Variants in IQCJ observed in about 807,000 individuals in gnomAD.
IQCJ encodes the protein IQ domain-containing protein J.
In IQCJ, 9 loss-of-function variants were observed where a neutral mutation model predicts 11.0. The ratio of observed to expected loss-of-function variants is 0.82; its 90% CI spans 0.49 to 1.43. The LOEUF is 1.43. IQCJ is among the 40% of genes most tolerant of loss of function. IQCJ has a pLI of 0.00. For missense variants in IQCJ, 146 were observed against 133.2 expected, an observed-to-expected ratio of 1.10 and a Z score of -0.47; for synonymous variants, 55 against 51.3, an observed-to-expected ratio of 1.07 and a Z score of -0.31.
intron 2 of IQCJ, among the ~76,000 whole-genome samples, chr3:159,252,142 A>C (rs896374698): frequency 1.3e-5 from 2 of 152,034 alleles, no homozygotes; most frequent in Admixed American, 1.3e-4. Context: ...GTCCTTCAAA[A>C]CTCATCCCAA....
At chr3:159,242,891 T>C (rs971413034) in intron 1 of IQCJ, among the ~76,000 whole-genome samples, 3 of 152,120 alleles carry the variant, frequency 2.0e-5, no homozygotes, top group African/African-American at 7.2e-5. Context: ...GGAAGAAATA[T>C]TAGCAACACA....
chr3:159,154,319 A>C (rs994994271), intron 1 of IQCJ, among the ~76,000 whole-genome samples: 3 of 152,204 alleles, frequency 2.0e-5, no homozygotes, highest in African/African-American at 7.2e-5. Flanking sequence ...ATGAAGGCCC[A>C]ATCCATGGAC....
intron 1 of IQCJ, among the ~76,000 whole-genome samples, chr3:159,239,512 A>C (rs1577105827): frequency 6.6e-6 from 1 of 152,370 alleles, no homozygotes; most frequent in South Asian, 2.1e-4. Flanking sequence ...TGGAGAAGAA[A>C]GTGCCAGGAC....
At chr3:159,251,068 A>C (rs1727569990) in intron 2 of IQCJ, among the ~76,000 whole-genome samples, 1 of 152,156 alleles carries the variant, frequency 6.6e-6, no homozygotes, top group African/African-American at 2.4e-5. Context: ...CCAATGGCAC[A>C]GAGTAAACAA....
At chr3:159,177,838 C>T (rs1722875110) in intron 1 of IQCJ, among the ~76,000 whole-genome samples, 1 of 152,190 alleles carries the variant, frequency 6.6e-6, no homozygotes, top group Admixed American at 6.5e-5. Context: ...AAAATAAATA[C>T]AGTACCAATT....
At chr3:159,133,641 A>G (rs928361476) in intron 1 of IQCJ, among the ~76,000 whole-genome samples, 15 of 152,302 alleles carry the variant, frequency 9.8e-5, no homozygotes, top group Middle Eastern at 3.4e-3. Context: ...AGAGGATGAC[A>G]GGAGAAGTGG....
At position 159,201,341 on chromosome 3, in the gene IQCJ, A is replaced by G. The variant is rs554873214; in HGVS notation, c.10-44502A>G. ...TGAAAAGTGAAGATTTGGGTTTTATATGGTAGTGTGATTTAGAAAATGCCA... is the reference window on the plus strand; with the variant it reads ...TGAAAAGTGAAGATTTGGGTTTTATGTGGTAGTGTGATTTAGAAAATGCCA... On this transcript the variant is annotated intron_variant, in intron 1 of 3. Coordinates refer to ENST00000397832, the MANE Select transcript of IQCJ (RefSeq NM_001042706.3). 9.8e-5 allele frequency among the ~76,000 whole-genome samples: 15 copies of G among 152,336 alleles called. No individual in the cohort carries two copies. The East Asian group carries it at 2.7e-3, about 27-fold the overall frequency.
rs76251319 is a variant in IQCJ, at chr3:159,126,296, C to G, written c.9+56855C>G. Among the ~76,000 whole-genome samples the G allele has an allele frequency of 5.3e-3, 809 of 152,244 alleles. 3 individuals are homozygous for G. Among genetic ancestry groups the G allele is most frequent in the African/African-American group, 0.019 (777 of 41,548 alleles). On this transcript the variant is annotated intron_variant, in intron 1 of 3. Coordinates refer to ENST00000397832, the MANE Select transcript of IQCJ (RefSeq NM_001042706.3). Reference sequence around the variant, plus strand: ...CATCTAAAAAGCAGGGATAGAAATTCTTACCTCTTAGGGCTGTGAAGAACA... The same window carrying G: ...CATCTAAAAAGCAGGGATAGAAATTGTTACCTCTTAGGGCTGTGAAGAACA...
At chr3:159,211,888 G>A (rs1724976047) in intron 1 of IQCJ, among the ~76,000 whole-genome samples, 2 of 152,052 alleles carry the variant, frequency 1.3e-5, no homozygotes, top group African/African-American at 4.8e-5. Flanking sequence ...CAAGGAGAAT[G>A]GAAAGGGAGG....
At chr3:159,225,147 T>C (rs949360765) in intron 1 of IQCJ, among the ~76,000 whole-genome samples, 1 of 152,200 alleles carries the variant, frequency 6.6e-6, no homozygotes. Context: ...ACAACCTAAA[T>C]GTTCTTCAAT....
intron 1 of IQCJ, among the ~76,000 whole-genome samples, chr3:159,092,392 G>A (rs78750178): frequency 6.6e-6 from 1 of 151,702 alleles, no homozygotes; most frequent in African/African-American, 2.4e-5. Flanking sequence ...TCTCTACCCT[G>A]TATAAAGACC....
intron 3 of IQCJ, among the ~76,000 whole-genome samples, chr3:159,256,050 C>T (rs1214572660): frequency 6.6e-6 from 1 of 152,222 alleles, no homozygotes; most frequent in Non-Finnish European, 1.5e-5. Flanking sequence ...CCAGCCCCAA[C>T]AGGCTGCTGC....
chr3:159,238,521 A>G (rs2108173322), intron 1 of IQCJ, among the ~76,000 whole-genome samples: 1 of 152,318 alleles, frequency 6.6e-6, no homozygotes, highest in African/African-American at 2.4e-5. Flanking sequence ...CACCTCTTCA[A>G]TAACTCATTT....
chr3:159,206,287 C>T (rs1290353372), intron 1 of IQCJ, among the ~76,000 whole-genome samples: 1 of 151,932 alleles, frequency 6.6e-6, no homozygotes, highest in East Asian at 1.9e-4. Flanking sequence ...TTTTTCTAGC[C>T]CTCTCCACCA....
In IQCJ at chr3:159,115,717, G is replaced by C. The variant is rs149080389; in HGVS notation, c.9+46276G>C. On this transcript the variant is annotated intron_variant, in intron 1 of 3. Coordinates refer to ENST00000397832, the MANE Select transcript of IQCJ (RefSeq NM_001042706.3). ...CTTGTATTTGGGGATCCTACAAGAG[G>C]TAATTTTAGTCTGGGAAACATAGGG... Among the ~76,000 whole-genome samples the C allele has an allele frequency of 5.2e-3, 788 of 152,248 alleles. 13 individuals are homozygous for C. Among genetic ancestry groups the C allele is most frequent in the African/African-American group, 0.018 (760 of 41,550 alleles).
rs370286421 is a variant in IQCJ, at chr3:159,126,477, A to T, written c.9+57036A>T. 3.3e-4 allele frequency among the ~76,000 whole-genome samples: 50 copies of T among 152,356 alleles called. No homozygotes were observed. In the South Asian group the frequency reaches 9.5e-3, roughly 29 times the overall value. On this transcript the variant is annotated intron_variant, in intron 1 of 3. Coordinates refer to ENST00000397832, the MANE Select transcript of IQCJ (RefSeq NM_001042706.3). ...CTGGCTTCAGTCTTTCTTATTAGTCATAAACATGACCGTGTCCCCACAAGA... is the reference window on the plus strand; with the variant it reads ...CTGGCTTCAGTCTTTCTTATTAGTCTTAAACATGACCGTGTCCCCACAAGA...
chr3:159,242,277 A>G (rs1726969338), intron 1 of IQCJ, among the ~76,000 whole-genome samples: 1 of 152,196 alleles, frequency 6.6e-6, no homozygotes, highest in African/African-American at 2.4e-5. Flanking sequence ...CCACTGAATT[A>G]TGAAGAAGAA....
At chr3:159,186,605 A>G (rs1723384526) in intron 1 of IQCJ, among the ~76,000 whole-genome samples, 1 of 152,338 alleles carries the variant, frequency 6.6e-6, no homozygotes, top group South Asian at 2.1e-4. Context: ...GGAGACAGCC[A>G]TTACTTTTGA....
chr3:159,251,197 G>C (rs990954247), intron 2 of IQCJ, among the ~76,000 whole-genome samples: 1 of 152,040 alleles, frequency 6.6e-6, no homozygotes, highest in Non-Finnish European at 1.5e-5. Context: ...CCTACCGCCA[G>C]GACATTCCTT....
Sources: gnomAD v4.1 joint callset for allele counts (sites outside exome capture counted in the v4.1 genomes callset) on GRCh38, gnomAD v4.1.1 for gene constraint, MANE v1.5 for transcripts, NCBI Gene and HGNC (gene_info 2026-07-23, HGNC 2026-07-21) for gene names.